The following CHURC1 variants were observed in gnomAD, a reference collection of about 807,000 sequenced individuals.
CHURC1 encodes the protein churchill domain containing 1.
CHURC1 carries 12 observed loss-of-function variants against 15.4 expected under a neutral mutation model. That is an observed-to-expected ratio of 0.78 (90% CI 0.50 to 1.27). The LOEUF (loss-of-function observed/expected upper bound fraction) is 1.27. CHURC1 is among the 50% of genes most tolerant of loss of function. The probability of loss-of-function intolerance (pLI) is 0.00; values close to 1 mark genes in which losing one functional copy is unlikely to be tolerated. For missense variants in CHURC1, 132 were observed against 137.8 expected (o/e 0.96, Z 0.21); for synonymous variants, 42 against 47.5 (o/e 0.88, Z 0.48).
At chr14:64,932,090 T>C in intron 3 of CHURC1, 48 bp from the exon 4 acceptor site, 6 of 1,589,112 alleles carry the variant, frequency 3.8e-6, no homozygotes, top group Non-Finnish European at 5.2e-6. Flanking sequence ...TTATAAAGCA[T>C]CTTTTTCCCT....
intron 3 of CHURC1, among the ~76,000 whole-genome samples, chr14:64,927,559 A>G (rs1354387697): frequency 6.6e-6 from 1 of 151,968 alleles, no homozygotes; most frequent in Non-Finnish European, 1.5e-5. Flanking sequence ...TTCCTTTTTG[A>G]CTGAATGCAG....
chr14:64,923,787 C>CTTTTTT (rs60825476), intron 1 of CHURC1, among the ~76,000 whole-genome samples: 7 of 77,040 alleles, frequency 9.1e-5, no homozygotes, highest in East Asian at 3.5e-4. Context: ...ACTTTAGTTG[C>CTTTTTT]TTTTTTTTTT....
chr14:64,933,914 A>G lies in CHURC1; in HGVS notation c.*1684A>G, dbSNP rs1885208062. The stretch of plus-strand genomic sequence containing the variant: ...ATTTAATCCTCATTAACAAATTCAT[A>G]AGGTAGGTGCTATTGATAGTTTAGC... On this transcript the variant is annotated 3_prime_UTR_variant, in exon 4 of 4. Transcript: ENST00000549115. The G allele has an allele frequency of 2.9e-5, 29 of 984,948 alleles. No individual in the cohort carries two copies. Among genetic ancestry groups the G allele is most frequent in the Non-Finnish European group, 3.5e-5 (29 of 829,470 alleles). 61.0% of individuals were successfully genotyped at this position (984,948 alleles called of 1,614,324 possible).
chr14:64,914,586 T>A, intron 1 of CHURC1, 52 bp downstream of exon 1: 1 of 1,611,012 alleles, frequency 6.2e-7, no homozygotes, highest in Non-Finnish European at 8.5e-7. Context: ...AGGTGTCTCA[T>A]ATCCAAGGCT....
chr14:64,926,972 A>G (rs1884753478), intron 3 of CHURC1, among the ~76,000 whole-genome samples: 1 of 152,206 alleles, frequency 6.6e-6, no homozygotes, highest in Non-Finnish European at 1.5e-5. Flanking sequence ...CCTGTTTTCA[A>G]GCCTTCAGGT....
intron 1 of CHURC1, among the ~76,000 whole-genome samples, chr14:64,917,504 A>C (rs1883972439): frequency 6.6e-6 from 1 of 151,950 alleles, no homozygotes; most frequent in Non-Finnish European, 1.5e-5. Context: ...CAGAGGTTGC[A>C]GTGAGCCGAG....
chr14:64,918,253 T>C (rs1884026280), intron 1 of CHURC1, among the ~76,000 whole-genome samples: 1 of 152,234 alleles, frequency 6.6e-6, no homozygotes, highest in African/African-American at 2.4e-5. Context: ...CTTTGGAATT[T>C]TAGAAGGCAG....
At chr14:64,924,842 G>C (rs1884569039) in intron 2 of CHURC1, among the ~76,000 whole-genome samples, 1 of 151,960 alleles carries the variant, frequency 6.6e-6, no homozygotes, top group Non-Finnish European at 1.5e-5. Flanking sequence ...TTCCCTTTTT[G>C]CTTGTCTCCT....
intron 1 of CHURC1, among the ~76,000 whole-genome samples, chr14:64,922,973 G>A (rs1450309938): frequency 6.6e-6 from 1 of 152,126 alleles, no homozygotes; most frequent in Non-Finnish European, 1.5e-5. Context: ...TGAATCCTCT[G>A]TTGTGCTTTG....
In CHURC1 at chr14:64,915,354, TAC is replaced by T. The variant is rs768990796; in HGVS notation, c.39+822_39+823del. Reference sequence around the variant, plus strand: ...GCACCTTTGGTGCTGCCTAACAGCTTACAGTTTTGGGGAGTATGTGACTAACA... The same window carrying T: ...GCACCTTTGGTGCTGCCTAACAGCTTAGTTTTGGGGAGTATGTGACTAACA... On this transcript the variant is annotated intron_variant, in intron 1 of 3. Coordinates refer to ENST00000549115, the MANE Select transcript of CHURC1 (RefSeq NM_001386928.1). Among the ~76,000 whole-genome samples the T allele has an allele frequency of 3.3e-4, 51 of 152,350 alleles. No individual in the cohort carries two copies. In the Middle Eastern group the frequency reaches 0.01, roughly 30 times the overall value.
At chr14:64,929,984 A>G (rs1884988282) in intron 3 of CHURC1, among the ~76,000 whole-genome samples, 1 of 151,892 alleles carries the variant, frequency 6.6e-6, no homozygotes, top group East Asian at 1.9e-4. Flanking sequence ...ACTTCAAGAA[A>G]CAAGACAGAA....
chr14:64,923,061 A>C (rs1161654799), intron 1 of CHURC1, among the ~76,000 whole-genome samples: 1 of 152,144 alleles, frequency 6.6e-6, no homozygotes, highest in African/African-American at 2.4e-5. Context: ...AATACTCTTT[A>C]AGTGTGTTGC....
chr14:64,927,718 C>G (rs1425025340), intron 3 of CHURC1, among the ~76,000 whole-genome samples: 2 of 50,412 alleles, frequency 4.0e-5, no homozygotes, highest in Admixed American at 1.8e-4. Context: ...CTCCCCCCAC[C>G]CCCCCCCCCG....
intron 1 of CHURC1, among the ~76,000 whole-genome samples, chr14:64,917,025 T>C (rs1011175770): frequency 2.0e-5 from 3 of 152,240 alleles, no homozygotes; most frequent in South Asian, 2.1e-4. Context: ...ATGAATCTTA[T>C]GGCTGAATGT....
intron 1 of CHURC1, among the ~76,000 whole-genome samples, chr14:64,914,878 A>G (rs1351712516): frequency 6.6e-6 from 1 of 152,080 alleles, no homozygotes; most frequent in Non-Finnish European, 1.5e-5. Flanking sequence ...CAATTTTCTT[A>G]CCGAATTCTA....
chr14:64,919,566 T>G (rs953045496), intron 1 of CHURC1, among the ~76,000 whole-genome samples: 8 of 152,160 alleles, frequency 5.3e-5, no homozygotes, highest in Admixed American at 2.6e-4. Context: ...TTTCAATCAA[T>G]TACCTAACCT....
rs577124638 is a variant in CHURC1 at position 64,921,133 on chromosome 14, A to G, written c.40-2858A>G. 3.3e-5 allele frequency among the ~76,000 whole-genome samples: 5 copies of G among 152,282 alleles called. No individual in the cohort carries two copies. In the South Asian group the frequency reaches 1.0e-3, roughly 32 times the overall value. ...AGACAGTTCTTCAACAAATCTTGCC[A>G]AAACAACTGGAAATCCATACGCAAC... On this transcript the variant is annotated intron_variant, in intron 1 of 3. Transcript: ENST00000549115.
intron 3 of CHURC1, among the ~76,000 whole-genome samples, chr14:64,929,650 C>T (rs1348912434): frequency 1.3e-5 from 2 of 152,118 alleles, no homozygotes; most frequent in African/African-American, 4.8e-5. Context: ...TGTACACTAC[C>T]CATCTTCAAG....
At chr14:64,922,110 A>G (rs1884346030) in intron 1 of CHURC1, among the ~76,000 whole-genome samples, 1 of 152,192 alleles carries the variant, frequency 6.6e-6, no homozygotes, top group Non-Finnish European at 1.5e-5. Flanking sequence ...TGGAGGTTAG[A>G]GATAGACTGA....
Sources: gnomAD v4.1 joint callset for allele counts (sites outside exome capture counted in the v4.1 genomes callset) on GRCh38, gnomAD v4.1.1 for gene constraint, MANE v1.5 for transcripts, NCBI Gene and HGNC (gene_info 2026-07-23, HGNC 2026-07-21) for gene names.